FRAS1: variants seen among roughly 807,000 people sequenced by gnomAD.
FRAS1 encodes the protein extracellular matrix organizing protein FRAS1.
FRAS1 carries 290 observed loss-of-function variants against 435.2 expected under a neutral mutation model. The observed-to-expected ratio is 0.67, with a 90% CI of 0.61 to 0.73. The LOEUF is 0.73. Among genes scored for constraint, FRAS1 ranks in the 30% least tolerant of loss-of-function variants. The pLI is 0.00. For missense variants in FRAS1, 4,860 were observed against 5,001.5 expected (o/e 0.97, Z 0.85); for synonymous variants, 1,800 against 1,851.0 (o/e 0.97, Z 0.71).
chr4:78,355,049 C>G (rs903024224), intron 20 of FRAS1, among the ~76,000 whole-genome samples: 1 of 152,158 alleles, frequency 6.6e-6, no homozygotes, highest in Non-Finnish European at 1.5e-5. Context: ...GATTCTACAG[C>G]TGCTGAGTCA....
chr4:78,340,917 C>T (rs1270989027), intron 20 of FRAS1, among the ~76,000 whole-genome samples: 2 of 152,206 alleles, frequency 1.3e-5, no homozygotes, highest in Non-Finnish European at 2.9e-5. Context: ...TTAATTACCT[C>T]TTTAAAGGCC....
chr4:78,471,940 T>C (rs186749993), intron 51 of FRAS1, among the ~76,000 whole-genome samples: 23 of 152,306 alleles, frequency 1.5e-4, no homozygotes, highest in South Asian at 4.2e-4. Context: ...TGTCTTCCAT[T>C]ACAGCTCTTG....
chr4:78,195,750 G>A (rs191547643), intron 2 of FRAS1, among the ~76,000 whole-genome samples: 5 of 152,084 alleles, frequency 3.3e-5, no homozygotes, highest in African/African-American at 4.8e-5. Flanking sequence ...ACCCTGCTTC[G>A]GCTCACACTC....
intron 2 of FRAS1, among the ~76,000 whole-genome samples, chr4:78,088,497 CAG>C (rs1560514592): frequency 6.6e-5 from 10 of 152,012 alleles, no homozygotes; most frequent in East Asian, 1.9e-4. Context: ...AGGCAACCTA[CAG>C]AACGGGAGAA....
At chr4:78,126,055 C>A (rs1004245993) in intron 2 of FRAS1, among the ~76,000 whole-genome samples, 25 of 152,216 alleles carry the variant, frequency 1.6e-4, no homozygotes, top group African/African-American at 6.0e-4. Flanking sequence ...AGCTTCCCTG[C>A]TGCTTTGTTT....
At chr4:78,263,150 CT>C (rs774788695) in intron 6 of FRAS1, among the ~76,000 whole-genome samples, 121 of 152,310 alleles carry the variant, frequency 7.9e-4, no homozygotes, top group Admixed American at 2.9e-3. Context: ...GTCAAAAAGC[CT>C]TTCCTATCTC....
chr4:78,539,246 G>A (rs1261398748), intron 72 of FRAS1, 48 bp from the exon 73 acceptor site: 8 of 1,590,178 alleles, frequency 5.0e-6, no homozygotes, highest in Non-Finnish European at 6.0e-6. Flanking sequence ...TACCAATATA[G>A]TGGAACCATC....
At chr4:78,274,827 G>C (rs1726910736) in intron 9 of FRAS1, among the ~76,000 whole-genome samples, 1 of 152,292 alleles carries the variant, frequency 6.6e-6, no homozygotes, top group East Asian at 1.9e-4. Flanking sequence ...ATGTCTATTA[G>C]GTCTGCTTGG....
In FRAS1 at chr4:78,278,897, G is replaced by A. The variant is rs189934080; in HGVS notation, c.1071+153G>A. ...ACAACAGGCTCTGGGGACACAGAAG[G>A]GAATACAACAGGCAGAGTTCCTGCT... On this transcript the variant is annotated intron_variant, in intron 10 of 73. Transcript: ENST00000512123. 1.4e-4 allele frequency among the ~76,000 whole-genome samples: 22 copies of A among 152,256 alleles called. No individual in the cohort carries two copies. The East Asian group carries it at 3.3e-3, about 23-fold the overall frequency.
chr4:78,432,575 A>G lies in FRAS1; in HGVS notation c.5188A>G (p.Ile1730Val). The G allele has an allele frequency of 6.2e-7, 1 of 1,607,314 alleles. No individual in the cohort carries two copies. Among genetic ancestry groups the G allele is most frequent in the Non-Finnish European group, 8.5e-7 (1 of 1,175,970 alleles). ...TACTGTTGCCAGTAAAAGCACAGCCATAATCACTAGGTCACACCTTGCTTA... is the reference window on the plus strand; with the variant it reads ...TACTGTTGCCAGTAAAAGCACAGCCGTAATCACTAGGTCACACCTTGCTTA... ...SITVASKSTA[I>V]ITRSHLAYVD... Residue 1730 changes from isoleucine to valine, a missense_variant, in exon 38 of 74, where the codon ATA becomes GTA. Coordinates refer to ENST00000512123, the MANE Select transcript of FRAS1 (RefSeq NM_025074.7).
chr4:78,089,901 C>G (rs1038596803), intron 2 of FRAS1, among the ~76,000 whole-genome samples: 1 of 152,086 alleles, frequency 6.6e-6, no homozygotes, highest in Admixed American at 6.6e-5. Context: ...CTGCTCCTCT[C>G]CCTCCTCCTA....
At chr4:78,469,077 T>C (rs1376349854) in intron 50 of FRAS1, among the ~76,000 whole-genome samples, 1 of 152,208 alleles carries the variant, frequency 6.6e-6, no homozygotes, top group Non-Finnish European at 1.5e-5. Context: ...TCTCCCAAAC[T>C]GTAGCTGCTC....
chr4:78,195,039 C>G (rs1291484380), intron 2 of FRAS1, among the ~76,000 whole-genome samples: 2 of 152,264 alleles, frequency 1.3e-5, no homozygotes, highest in East Asian at 3.9e-4. Context: ...GAGGTCCACT[C>G]CAGACCCTGT....
intron 71 of FRAS1, among the ~76,000 whole-genome samples, chr4:78,535,036 G>A (rs12641956): frequency 0.43 from 65,851 of 151,850 alleles, 14,957 homozygotes; most frequent in East Asian, 0.79. Flanking sequence ...TTCTCTATCC[G>A]TTTACCACAG....
chr4:78,502,130 A>G (rs1208220196), intron 61 of FRAS1, among the ~76,000 whole-genome samples: 1 of 152,154 alleles, frequency 6.6e-6, no homozygotes, highest in African/African-American at 2.4e-5. Context: ...GCCATGTAGT[A>G]TAGTTTGAAG....
intron 2 of FRAS1, among the ~76,000 whole-genome samples, chr4:78,076,018 T>C (rs1240543802): frequency 6.6e-6 from 1 of 152,198 alleles, no homozygotes; most frequent in Non-Finnish European, 1.5e-5. Flanking sequence ...TCATTTGCTC[T>C]TGGATTCAGA....
intron 2 of FRAS1, among the ~76,000 whole-genome samples, chr4:78,159,671 A>G (rs1047455209): frequency 6.6e-6 from 1 of 152,268 alleles, no homozygotes; most frequent in African/African-American, 2.4e-5. Flanking sequence ...ACTTGAGGTC[A>G]GGAATTCGAG....
chr4:78,399,654 G>A (rs924556505), intron 29 of FRAS1, among the ~76,000 whole-genome samples: 1 of 152,168 alleles, frequency 6.6e-6, no homozygotes, highest in Non-Finnish European at 1.5e-5. Flanking sequence ...AACTGTTGTT[G>A]CTTCACTTTC....
At chr4:78,222,655 A>G (rs1170364280) in intron 2 of FRAS1, among the ~76,000 whole-genome samples, 1 of 152,200 alleles carries the variant, frequency 6.6e-6, no homozygotes, top group East Asian at 1.9e-4. Context: ...CTGACGCGCC[A>G]TTTAAACCAT....
Sources: allele counts gnomAD v4.1 joint callset (sites outside exome capture counted in the v4.1 genomes callset), GRCh38; gene constraint gnomAD v4.1.1; transcripts MANE v1.5; gene names NCBI Gene and HGNC (gene_info 2026-07-23, HGNC 2026-07-21).